LRRC49: variants seen among roughly 807,000 people sequenced by gnomAD.
LRRC49 encodes the protein leucine-rich repeat-containing protein 49.
Under a neutral mutation model 83.3 loss-of-function variants are expected in LRRC49, and 50 were observed. That is an observed-to-expected ratio of 0.60 (90% CI 0.48 to 0.76). The LOEUF (loss-of-function observed/expected upper bound fraction) is 0.76, where lower values mean the gene tolerates loss of function less well. Among genes scored for constraint, LRRC49 ranks in the 30% least tolerant of loss-of-function variants. The probability of loss-of-function intolerance (pLI) is 0.00; values close to 1 mark genes in which losing one functional copy is unlikely to be tolerated. For synonymous variants in LRRC49, 286 were observed against 283.3 expected, an observed-to-expected ratio of 1.01 and a Z score of -0.10; for missense variants, 704 against 809.1, an observed-to-expected ratio of 0.87 and a Z score of 1.58.
chr15:70,966,348 G>C (rs944341115), intron 9 of LRRC49, among the ~76,000 whole-genome samples: 3 of 151,916 alleles, frequency 2.0e-5, no homozygotes, highest in African/African-American at 4.8e-5. Flanking sequence ...TGAGACTGTG[G>C]GCAAATTAGT....
intron 8 of LRRC49, among the ~76,000 whole-genome samples, chr15:70,959,595 A>AAGGAAGGAAGGAAGGAAGGAAGGG: frequency 8.3e-6 from 1 of 120,018 alleles, no homozygotes; most frequent in African/African-American, 2.9e-5. Flanking sequence ...GGAAGGAAGG[A>AAGGAAGGAAGGAAGGAAGGAAGGG]AGGAAGGGAG....
intron 7 of LRRC49, among the ~76,000 whole-genome samples, chr15:70,932,290 G>C (rs574601798): frequency 6.6e-6 from 1 of 152,248 alleles, no homozygotes; most frequent in East Asian, 1.9e-4. Context: ...GCAGCTATTA[G>C]TCCTCATATA....
At chr15:70,986,296 C>G (rs2037615156) in intron 11 of LRRC49, among the ~76,000 whole-genome samples, 1 of 152,068 alleles carries the variant, frequency 6.6e-6, no homozygotes, top group African/African-American at 2.4e-5. Flanking sequence ...TGTTTGTATC[C>G]TCTTTTATTT....
chr15:70,924,502 A>C (rs1470847831), intron 7 of LRRC49, among the ~76,000 whole-genome samples: 2 of 152,044 alleles, frequency 1.3e-5, no homozygotes, highest in African/African-American at 4.8e-5. Flanking sequence ...CAGAGTTAAT[A>C]CACATCTCTA....
rs887380740 is a variant in LRRC49 at position 70,972,790 on chromosome 15, T to G, written c.922-7311T>G. Among the ~76,000 whole-genome samples the G allele has an allele frequency of 2.6e-5, 4 of 152,112 alleles. No homozygotes were observed. In the East Asian group the frequency reaches 7.7e-4, roughly 29 times the overall value. On this transcript the variant is annotated intron_variant, in intron 9 of 15. Coordinates refer to ENST00000260382, the MANE Select transcript of LRRC49 (RefSeq NM_017691.5). ...CTTGATCGATTTAGCTATTGATACTTGTGTACGCTTCACGAAATTCTTGTG... is the reference window on the plus strand; with the variant it reads ...CTTGATCGATTTAGCTATTGATACTGGTGTACGCTTCACGAAATTCTTGTG...
intron 2 of LRRC49, among the ~76,000 whole-genome samples, chr15:70,879,303 T>A (rs2033214264): frequency 6.6e-6 from 1 of 152,216 alleles, no homozygotes; most frequent in Admixed American, 6.5e-5. Flanking sequence ...GCTTTAAAGT[T>A]CTTGTCTGCC....
At chr15:70,903,511 TA>T (rs1180132310) in intron 4 of LRRC49, among the ~76,000 whole-genome samples, 1 of 152,146 alleles carries the variant, frequency 6.6e-6, no homozygotes, top group Non-Finnish European at 1.5e-5. Context: ...AACATTCAGT[TA>T]TTTTTTTTTC....
intron 1 of LRRC49, 42 bp from the exon 2 acceptor site, chr15:70,893,542 T>C (rs2033682876): frequency 1.6e-6 from 2 of 1,261,538 alleles, no homozygotes; most frequent in African/African-American, 1.5e-5. Context: ...TATGTGTTTG[T>C]GTATTAAGAG....
At chr15:70,900,661 G>C (rs781355368) in intron 3 of LRRC49, 27 of 481,974 alleles carry the variant, frequency 5.6e-5, no homozygotes, top group Non-Finnish European at 8.4e-5. Context: ...GATGAAGATA[G>C]CACTGGACTA....
chr15:70,891,787 G>A, upstream of LRRC49: 31 of 1,422,996 alleles, frequency 2.2e-5, no homozygotes, highest in Non-Finnish European at 2.8e-5. Flanking sequence ...ACACTAAGTG[G>A]AGGAGCCCAG....
chr15:71,040,651 C>G (rs2141303512), intron 15 of LRRC49, among the ~76,000 whole-genome samples: 1 of 151,990 alleles, frequency 6.6e-6, no homozygotes, highest in Middle Eastern at 3.4e-3. Flanking sequence ...AACCCCGTCT[C>G]TATTAAAAAT....
chr15:70,958,964 A>G (rs1300069491), intron 8 of LRRC49, among the ~76,000 whole-genome samples: 5 of 152,202 alleles, frequency 3.3e-5, no homozygotes, highest in Non-Finnish European at 7.3e-5. Context: ...ATTATTTTCT[A>G]TACCATGAAT....
At chr15:71,021,008 C>G (rs533603954) in intron 14 of LRRC49, among the ~76,000 whole-genome samples, 1 of 151,942 alleles carries the variant, frequency 6.6e-6, no homozygotes, top group Non-Finnish European at 1.5e-5. Context: ...TTGGGCTACA[C>G]GTAAAATACA....
rs2038592132 is a variant in LRRC49 at position 71,009,878 on chromosome 15, T to C, written c.1479T>C (p.Ile493=). The change falls in exon 13 of 16, where the codon ATT becomes ATC. Residue 493 remains isoleucine, a synonymous_variant. Coordinates refer to ENST00000260382, the MANE Select transcript of LRRC49 (RefSeq NM_017691.5). ...ACGCACTAGCCCAACTCCGTCGTAT[T>C]GACCAGTTGACAATTGATCCTCAAG... ...QFNALAQLRR[I]DQLTIDPQGN... is the part of the protein sequence containing the mutation. 6.2e-7 allele frequency: 1 copy of C among 1,612,574 alleles called. No homozygotes were observed. Among genetic ancestry groups the C allele is most frequent in the Non-Finnish European group, 8.5e-7 (1 of 1,178,858 alleles).
At chr15:71,031,703 C>A (rs1248690358) in intron 14 of LRRC49, among the ~76,000 whole-genome samples, 1 of 152,220 alleles carries the variant, frequency 6.6e-6, no homozygotes, top group Admixed American at 6.5e-5. Context: ...TTCAGAGATG[C>A]CCTGCCCAGT....
intron 11 of LRRC49, among the ~76,000 whole-genome samples, chr15:70,987,723 A>G (rs540575729): frequency 1.3e-5 from 2 of 151,568 alleles, no homozygotes; most frequent in South Asian, 4.2e-4. Flanking sequence ...TTTAATTGTG[A>G]TGTTAGGGTG....
Position 70,969,236 on chromosome 15 carries a change from G to A in LRRC49, c.921+5304G>A, listed in dbSNP as rs145251978. On this transcript the variant is annotated intron_variant, in intron 9 of 15. Transcript: ENST00000260382. ...TTTTCCCAGCACCATTCATTAAATA[G>A]GGAATCCTTTACCCATTGCTTGTTT... is the stretch of plus-strand genomic sequence containing the variant. 4.9e-3 allele frequency among the ~76,000 whole-genome samples: 743 copies of A among 152,286 alleles called. 11 individuals are homozygous for A. The highest frequency in any genetic ancestry group is 0.017 in the African/African-American group (724 of 41,560).
In LRRC49 at chr15:71,012,886, G is replaced by A. The variant is rs150157186; in HGVS notation, c.1676G>A (p.Arg559His). 4,630 of 1,612,124 alleles carry A rather than the reference G, an allele frequency of 2.9e-3. 16 individuals carry two copies. The highest frequency in any genetic ancestry group is 3.3e-3 in the Non-Finnish European group (3,934 of 1,178,886). ...GCATCTTCTGAGTTACCCCAGTATC[G>A]TCTGATTTCCATTCTGGGTGATGCC... ...HVASSELPQY[R>H]LISILGDARK... Residue 559 changes from arginine to histidine, a missense_variant, in exon 14 of 16, where the codon CGT becomes CAT. This residue lies in a region of LRRC49 where 275 missense variants were observed against 338.0 expected (regional missense o/e 0.81). Transcript: ENST00000260382.
chr15:70,869,481 A>G (rs1427319428), intron 1 of LRRC49, among the ~76,000 whole-genome samples: 2 of 152,194 alleles, frequency 1.3e-5, no homozygotes, highest in Non-Finnish European at 1.5e-5. Flanking sequence ...GTGAGTGTCT[A>G]TCAAACACTG....
Sources: allele counts gnomAD v4.1 joint callset (sites outside exome capture counted in the v4.1 genomes callset), GRCh38; gene constraint gnomAD v4.1.1; regional missense constraint gnomAD v4.1.1; transcripts MANE v1.5; gene names NCBI Gene and HGNC (gene_info 2026-07-23, HGNC 2026-07-21).